The following SGCZ variants were observed in gnomAD, a reference collection of about 807,000 sequenced individuals.
The protein encoded by SGCZ is sarcoglycan zeta.
SGCZ carries 40 observed loss-of-function variants against 41.3 expected under a neutral mutation model. The observed-to-expected ratio is 0.97, with a 90% CI of 0.75 to 1.26. The LOEUF is 1.26. Among genes scored for constraint, SGCZ ranks in the 50% most tolerant of loss-of-function variants. The pLI, the probability that SGCZ is intolerant of heterozygous loss-of-function variation, is 0.00. For missense variants in SGCZ, 552 were observed against 369.8 expected, an observed-to-expected ratio of 1.49 and a Z score of -4.04; for synonymous variants, 206 against 137.5, an observed-to-expected ratio of 1.50 and a Z score of -3.49.
chr8:14,326,261 T>C (rs965109047), intron 2 of SGCZ, among the ~76,000 whole-genome samples: 3 of 151,966 alleles, frequency 2.0e-5, no homozygotes, highest in Admixed American at 2.0e-4. Flanking sequence ...CTTTTATGTG[T>C]TCAGGGATGT....
At chr8:14,230,601 G>C (rs1417193883) in intron 4 of SGCZ, among the ~76,000 whole-genome samples, 1 of 151,958 alleles carries the variant, frequency 6.6e-6, no homozygotes, top group Non-Finnish European at 1.5e-5. Flanking sequence ...AAGATATCAT[G>C]ATTTCCACAT....
At chr8:14,880,499 C>A (rs1804547237) in intron 1 of SGCZ, among the ~76,000 whole-genome samples, 1 of 152,126 alleles carries the variant, frequency 6.6e-6, no homozygotes, top group African/African-American at 2.4e-5. Flanking sequence ...AAGACACACG[C>A]ACACGTATGT....
Position 15,043,873 on chromosome 8 carries a change from A to G in SGCZ, c.39+193712T>C, listed in dbSNP as rs546966545. Among the ~76,000 whole-genome samples, 9 of 152,184 alleles carry G rather than the reference A, an allele frequency of 5.9e-5. No individual in the cohort carries two copies. The East Asian group carries it at 1.7e-3, about 29-fold the overall frequency. On this transcript the variant is annotated intron_variant, in intron 1 of 7. Transcript: ENST00000382080. Reference sequence around the variant, plus strand: ...TAAGTGAAGTAGAATTCCTTTCTTCAGTTGAAAACCAAACATACTATTATA... The same window carrying G: ...TAAGTGAAGTAGAATTCCTTTCTTCGGTTGAAAACCAAACATACTATTATA...
intron 7 of SGCZ, among the ~76,000 whole-genome samples, chr8:14,094,854 T>C (rs978108827): frequency 6.6e-6 from 1 of 152,204 alleles, no homozygotes; most frequent in East Asian, 1.9e-4. Flanking sequence ...GGTATCTCAT[T>C]GTGGTTTTGA....
intron 2 of SGCZ, among the ~76,000 whole-genome samples, chr8:14,520,174 C>G (rs754238271): frequency 2.8e-4 from 43 of 152,054 alleles, no homozygotes; most frequent in Non-Finnish European, 5.3e-4. Context: ...ATTTGGTTCA[C>G]ACTATGTAAG....
chr8:14,152,458 G>C (rs989205909), intron 5 of SGCZ, among the ~76,000 whole-genome samples: 1 of 152,118 alleles, frequency 6.6e-6, no homozygotes, highest in Non-Finnish European at 1.5e-5. Flanking sequence ...GAGCCCAGAA[G>C]TTCAAGACCA....
chr8:15,145,358 A>G (rs1799009424), intron 1 of SGCZ, among the ~76,000 whole-genome samples: 1 of 152,208 alleles, frequency 6.6e-6, no homozygotes, highest in African/African-American at 2.4e-5. Flanking sequence ...AATGAAAGAG[A>G]CATTCCATTT....
At chr8:14,397,037 T>C (rs1285805092) in intron 2 of SGCZ, among the ~76,000 whole-genome samples, 3 of 152,156 alleles carry the variant, frequency 2.0e-5, no homozygotes, top group Non-Finnish European at 4.4e-5. Flanking sequence ...AGGACTCAAA[T>C]TTATCATCTT....
intron 1 of SGCZ, among the ~76,000 whole-genome samples, chr8:14,709,354 G>C (rs1328544292): frequency 6.6e-6 from 1 of 152,036 alleles, no homozygotes; most frequent in Non-Finnish European, 1.5e-5. Flanking sequence ...CATTACTTCA[G>C]CTTAAATAAT....
intron 1 of SGCZ, among the ~76,000 whole-genome samples, chr8:14,647,217 AACAGAAAAATGAGACC>A (rs1411782608): frequency 2.0e-5 from 3 of 152,004 alleles, no homozygotes; most frequent in African/African-American, 4.8e-5. Flanking sequence ...TGGACTGATA[AACAGAAAAATGAGACC>A]ACACTCCTTC....
chr8:15,081,537 TAA>T (rs1203566395), intron 1 of SGCZ, among the ~76,000 whole-genome samples: 1 of 145,876 alleles, frequency 6.9e-6, no homozygotes, highest in Non-Finnish European at 1.5e-5. Flanking sequence ...AAAGATAAAA[TAA>T]AGAGGTGAAA....
chr8:14,344,500 T>C (rs1006295817), intron 2 of SGCZ, among the ~76,000 whole-genome samples: 2 of 151,924 alleles, frequency 1.3e-5, no homozygotes, highest in African/African-American at 2.4e-5. Context: ...ACAGAGCAGA[T>C]AAACAACATC....
At chr8:15,120,060 G>A (rs974553685) in intron 1 of SGCZ, among the ~76,000 whole-genome samples, 2 of 152,190 alleles carry the variant, frequency 1.3e-5, no homozygotes, top group South Asian at 4.1e-4. Flanking sequence ...TTCCAGGCTA[G>A]TCTGAAACTC....
chr8:14,483,820 T>G (rs1227047034), intron 2 of SGCZ, among the ~76,000 whole-genome samples: 1 of 152,198 alleles, frequency 6.6e-6, no homozygotes, highest in Non-Finnish European at 1.5e-5. Flanking sequence ...ACAAAGTTAT[T>G]TTATTTTCAG....
intron 1 of SGCZ, among the ~76,000 whole-genome samples, chr8:15,115,734 T>C (rs937285700): frequency 6.6e-6 from 1 of 152,258 alleles, no homozygotes; most frequent in Non-Finnish European, 1.5e-5. Flanking sequence ...GTCATTGCTA[T>C]TGAATACTTT....
chr8:15,181,406 A>T (rs977635695), intron 1 of SGCZ, among the ~76,000 whole-genome samples: 2 of 152,178 alleles, frequency 1.3e-5, no homozygotes, highest in African/African-American at 2.4e-5. Flanking sequence ...CAGAGCCTAG[A>T]TACCCAAATA....
intron 1 of SGCZ, among the ~76,000 whole-genome samples, chr8:14,714,229 A>T (rs1475857181): frequency 6.6e-6 from 1 of 152,260 alleles, no homozygotes; most frequent in East Asian, 1.9e-4. Context: ...GGCCTCCCAA[A>T]GTACTAAGAT....
intron 2 of SGCZ, among the ~76,000 whole-genome samples, chr8:14,540,354 G>T (rs1428082697): frequency 1.4e-5 from 2 of 147,184 alleles, no homozygotes; most frequent in Non-Finnish European, 3.0e-5. Context: ...TCTACTATGA[G>T]AATTTTTATG....
At chr8:15,115,241 G>A (rs867809371) in intron 1 of SGCZ, among the ~76,000 whole-genome samples, 7 of 152,214 alleles carry the variant, frequency 4.6e-5, no homozygotes, top group South Asian at 4.2e-4. Flanking sequence ...CAGGGCAGTT[G>A]GAAACATAGA....
Sources: gnomAD v4.1 joint callset for allele counts (sites outside exome capture counted in the v4.1 genomes callset) on GRCh38, gnomAD v4.1.1 for gene constraint, MANE v1.5 for transcripts, NCBI Gene and HGNC (gene_info 2026-07-23, HGNC 2026-07-21) for gene names.